Variants in LCLAT1 observed in about 807,000 individuals in gnomAD.
The protein encoded by LCLAT1 is lysocardiolipin acyltransferase 1, also known as 1-AGP acyltransferase 8.
Under a neutral mutation model 30.7 loss-of-function variants are expected in LCLAT1, and 11 were observed. The ratio of observed to expected loss-of-function variants is 0.36; its 90% CI spans 0.23 to 0.59. The LOEUF (loss-of-function observed/expected upper bound fraction) is 0.59, where lower values mean the gene tolerates loss of function less well. Among genes scored for constraint, LCLAT1 ranks in the 20% least tolerant of loss-of-function variants. The pLI is 0.77. For missense variants in LCLAT1, 402 were observed against 458.6 expected (o/e 0.88, Z 1.13); for synonymous variants, 155 against 151.3 (o/e 1.02, Z -0.18).
chr2:30,522,828 G>C (rs1685541610), intron 1 of LCLAT1, among the ~76,000 whole-genome samples: 1 of 152,232 alleles, frequency 6.6e-6, no homozygotes, highest in Admixed American at 6.5e-5. Flanking sequence ...AGGAGAAAGA[G>C]AGCATGATAT....
chr2:30,458,351 A>C (rs1038689163), intron 1 of LCLAT1, among the ~76,000 whole-genome samples: 1 of 152,208 alleles, frequency 6.6e-6, no homozygotes, highest in African/African-American at 2.4e-5. Context: ...TTTGCTTTAA[A>C]ACAATTTGGA....
At chr2:30,578,220 C>T (rs1383009715) in intron 5 of LCLAT1, among the ~76,000 whole-genome samples, 1 of 152,082 alleles carries the variant, frequency 6.6e-6, no homozygotes, top group Non-Finnish European at 1.5e-5. Flanking sequence ...ATTCTGATAA[C>T]TTGTGAGACT....
At chr2:30,626,956 A>G (rs1004586065) in intron 5 of LCLAT1, among the ~76,000 whole-genome samples, 6 of 152,176 alleles carry the variant, frequency 3.9e-5, no homozygotes, top group Non-Finnish European at 7.3e-5. Context: ...TGTGCATCAT[A>G]AAGTCTCAGT....
Position 30,533,326 on chromosome 2 carries a change from A to G in LCLAT1, c.364+12A>G. Reference sequence around the variant, plus strand: ...TGTTCCTGGATTTGGTAGGTTATTCACACATTATTTTAAGTGGTTCATTCA... The same window carrying G: ...TGTTCCTGGATTTGGTAGGTTATTCGCACATTATTTTAAGTGGTTCATTCA... On this transcript the variant is annotated intron_variant, in intron 3 of 5. Transcript: ENST00000379509. The G allele has an allele frequency of 3.1e-6, 5 of 1,609,790 alleles. No homozygotes were observed. The highest frequency in any genetic ancestry group is 4.3e-6 in the Non-Finnish European group (5 of 1,176,118).
In LCLAT1 at chr2:30,497,519, A is replaced by C. The variant is rs1181507224; in HGVS notation, c.-4-28068A>C. Among the ~76,000 whole-genome samples, 4 of 152,132 alleles carry C rather than the reference A, an allele frequency of 2.6e-5. No individual in the cohort carries two copies. In the East Asian group the frequency reaches 7.7e-4, roughly 29 times the overall value. ...AAAACATTTTACTCTTTTGTAAATA[A>C]TTTTTGTTTTAAATAAATTGTAATT... On this transcript the variant is annotated intron_variant, in intron 1 of 5. Transcript: ENST00000379509.
At chr2:30,607,616 G>GT (rs1379468391) in intron 5 of LCLAT1, 1 of 152,086 alleles carries the variant, frequency 6.6e-6, no homozygotes, top group Admixed American at 6.5e-5. Context: ...GATTTACATA[G>GT]TTACTGTACT....
At chr2:30,457,950 C>T (rs1284725107) in intron 1 of LCLAT1, among the ~76,000 whole-genome samples, 1 of 151,864 alleles carries the variant, frequency 6.6e-6, no homozygotes, top group Non-Finnish European at 1.5e-5. Flanking sequence ...TCTCATAGTA[C>T]CTCGTATAAC....
intron 5 of LCLAT1, among the ~76,000 whole-genome samples, chr2:30,610,610 G>A (rs1054693017): frequency 2.6e-5 from 4 of 152,074 alleles, no homozygotes; most frequent in African/African-American, 9.7e-5. Context: ...ATGTCACTCT[G>A]CTAAATTCAA....
intron 1 of LCLAT1, among the ~76,000 whole-genome samples, chr2:30,470,860 A>G (rs917436691): frequency 2.0e-5 from 3 of 151,354 alleles, no homozygotes; most frequent in African/African-American, 7.3e-5. Flanking sequence ...TAGTATTGCC[A>G]TGTTAATAGT....
intron 1 of LCLAT1, among the ~76,000 whole-genome samples, chr2:30,512,563 A>G (rs758439545): frequency 2.7e-4 from 41 of 152,206 alleles, no homozygotes; most frequent in Non-Finnish European, 5.3e-4. Flanking sequence ...TCTTGAGTTT[A>G]CTATGCCCCT....
intron 1 of LCLAT1, among the ~76,000 whole-genome samples, chr2:30,524,270 G>T (rs1048981511): frequency 1.3e-5 from 2 of 152,230 alleles, no homozygotes; most frequent in Non-Finnish European, 2.9e-5. Context: ...GAAATAGCCA[G>T]TGAAGAGTCT....
intron 5 of LCLAT1, among the ~76,000 whole-genome samples, chr2:30,596,091 T>C (rs976692498): frequency 1.3e-5 from 2 of 152,202 alleles, no homozygotes; most frequent in Non-Finnish European, 2.9e-5. Context: ...AGTGCTGCAG[T>C]AAATACATGC....
At chr2:30,466,138 T>G (rs1682412543) in intron 1 of LCLAT1, among the ~76,000 whole-genome samples, 1 of 152,158 alleles carries the variant, frequency 6.6e-6, no homozygotes, top group South Asian at 2.1e-4. Flanking sequence ...TTGATAATTC[T>G]TTATTTTATT....
intron 1 of LCLAT1, among the ~76,000 whole-genome samples, chr2:30,509,952 C>T (rs985234691): frequency 4.6e-5 from 7 of 152,184 alleles, no homozygotes; most frequent in African/African-American, 9.7e-5. Flanking sequence ...TTTATTAGCA[C>T]ATGGTCAAGA....
intron 1 of LCLAT1, chr2:30,459,810 G>T: frequency 1.1e-6 from 1 of 883,390 alleles, no homozygotes. Context: ...ATCATAGTTT[G>T]TTCCTGTTTA....
At chr2:30,472,172 T>C (rs1389938404) in intron 1 of LCLAT1, among the ~76,000 whole-genome samples, 1 of 152,182 alleles carries the variant, frequency 6.6e-6, no homozygotes, top group African/African-American at 2.4e-5. Flanking sequence ...TGGTTGTAAT[T>C]TTTGTCCTTA....
At chr2:30,454,796 T>A (rs1030301056) in intron 1 of LCLAT1, among the ~76,000 whole-genome samples, 12 of 152,118 alleles carry the variant, frequency 7.9e-5, no homozygotes, top group African/African-American at 2.9e-4. Context: ...GACCAATTGA[T>A]TAAATTAAAG....
chr2:30,533,405 A>AT (rs2148396885), intron 3 of LCLAT1, 91 bp downstream of exon 3: 2 of 1,106,778 alleles, frequency 1.8e-6, no homozygotes, highest in East Asian at 2.4e-5. Flanking sequence ...AAGCGATTCC[A>AT]TTTTTTTCCT....
At chr2:30,514,841 T>G (rs17009601) in intron 1 of LCLAT1, among the ~76,000 whole-genome samples, 22,963 of 152,168 alleles carry the variant, frequency 0.15, 1,824 homozygotes, top group South Asian at 0.23. Flanking sequence ...GTATACTGAT[T>G]GAGTTCATGT....
Sources: allele counts gnomAD v4.1 joint callset (sites outside exome capture counted in the v4.1 genomes callset), GRCh38; gene constraint gnomAD v4.1.1; transcripts MANE v1.5; gene names NCBI Gene and HGNC (gene_info 2026-07-23, HGNC 2026-07-21).